LARS1: variants seen among roughly 807,000 people sequenced by gnomAD.
LARS1 encodes the protein leucine--tRNA ligase, cytoplasmic.
Under a neutral mutation model 162.8 loss-of-function variants are expected in LARS1, and 100 were observed. That is an observed-to-expected ratio of 0.61 (90% CI 0.52 to 0.73). The LOEUF is 0.73. LARS1 is among the 30% of genes least tolerant of loss of function. LARS1 has a pLI of 0.00. For synonymous variants in LARS1, 457 were observed against 462.8 expected, an observed-to-expected ratio of 0.99 and a Z score of 0.16; for missense variants, 1,258 against 1,408.9, an observed-to-expected ratio of 0.89 and a Z score of 1.71.
chr5:146,162,317 ATGT>A (rs1393432688), intron 6 of LARS1, among the ~76,000 whole-genome samples: 4 of 152,338 alleles, frequency 2.6e-5, no homozygotes, highest in African/African-American at 9.6e-5. Flanking sequence ...TGCAGAATGA[ATGT>A]TGTGTTTGCA....
At chr5:146,136,596 C>T (rs890585420) in intron 21 of LARS1, among the ~76,000 whole-genome samples, 3 of 151,920 alleles carry the variant, frequency 2.0e-5, no homozygotes, top group South Asian at 4.1e-4. Flanking sequence ...ATTCTCTTAC[C>T]TCAACCTCCT....
chr5:146,130,915 C>T (rs957082676), intron 24 of LARS1, 104 bp downstream of exon 24: 8 of 551,436 alleles, frequency 1.5e-5, no homozygotes, highest in Non-Finnish European at 2.2e-5. Flanking sequence ...TTTCAGTCTA[C>T]ACTTTAGGCG....
At chr5:146,180,877 C>G (rs1430770412) in intron 1 of LARS1, 1 of 152,162 alleles carries the variant, frequency 6.6e-6, no homozygotes, top group African/African-American at 2.4e-5. Flanking sequence ...TCTTTGTTTT[C>G]AGGGGTTGTC....
chr5:146,141,659 G>T (rs1183025477), intron 20 of LARS1, among the ~76,000 whole-genome samples: 1 of 151,782 alleles, frequency 6.6e-6, no homozygotes, highest in Non-Finnish European at 1.5e-5. Flanking sequence ...AACAAAATTA[G>T]CCAGGCAAGG....
intron 10 of LARS1, 42 bp from the exon 11 acceptor site, chr5:146,154,022 T>C (rs774634574): frequency 1.7e-5 from 23 of 1,329,700 alleles, no homozygotes; most frequent in Middle Eastern, 2.6e-4. Context: ...AAGTAATTCA[T>C]TGTGACCATT....
At chr5:146,136,875 T>C (rs929397970) in intron 21 of LARS1, among the ~76,000 whole-genome samples, 1 of 152,232 alleles carries the variant, frequency 6.6e-6, no homozygotes, top group Non-Finnish European at 1.5e-5. Flanking sequence ...TCAGCTGCCA[T>C]TTGTTTAAAG....
intron 25 of LARS1, 150 bp from the exon 26 acceptor site, chr5:146,129,268 C>T: frequency 1.8e-6 from 1 of 558,280 alleles, no homozygotes; most frequent in East Asian, 3.1e-5. Flanking sequence ...ACTTGCACAG[C>T]CCCTGATCTA....
intron 18 of LARS1, 35 bp from the exon 19 acceptor site, chr5:146,143,585 G>C: frequency 6.2e-7 from 1 of 1,605,266 alleles, no homozygotes; most frequent in South Asian, 1.1e-5. Context: ...AGGAACCTGA[G>C]AGACATTTCA....
At chr5:146,134,756 C>G (rs1196197958) in intron 22 of LARS1, among the ~76,000 whole-genome samples, 2 of 152,182 alleles carry the variant, frequency 1.3e-5, no homozygotes, top group Non-Finnish European at 2.9e-5. Context: ...CAAGACCAGC[C>G]TGGCCAACAA....
rs1440236765 is a variant in LARS1 at position 146,177,566 on chromosome 5, T to G, written c.106A>C (p.Asn36His). 1.3e-6 allele frequency: 2 copies of G among 1,566,280 alleles called. No individual in the cohort carries two copies. Among genetic ancestry groups the G allele is most frequent in the South Asian group, 2.2e-5 (2 of 89,852 alleles). The change falls in exon 2 of 32, where the codon AAT becomes CAT. Residue 36 changes from asparagine to histidine, a missense_variant. By Grantham distance (68) the Asn-to-His change is moderately conservative. Transcript: ENST00000394434. Reference sequence around the variant, plus strand: ...ACTCACCTGGTCTGTTTCTCTAAATTAGATGCATTGACCTCAAACACTCTC... The same window carrying G: ...ACTCACCTGGTCTGTTTCTCTAAATGAGATGCATTGACCTCAAACACTCTC... Reference protein sequence around the residue: ...TERVFEVNASNLEKQTSKGKY... With the variant: ...TERVFEVNASHLEKQTSKGKY...
chr5:146,154,936 C>G (rs1753455131), intron 10 of LARS1, among the ~76,000 whole-genome samples: 1 of 151,842 alleles, frequency 6.6e-6, no homozygotes, highest in Admixed American at 6.6e-5. Context: ...TCACTGCAAC[C>G]TCCGCCTCCC....
intron 31 of LARS1, among the ~76,000 whole-genome samples, chr5:146,117,108 A>G (rs576675327): frequency 6.6e-6 from 1 of 152,246 alleles, no homozygotes; most frequent in South Asian, 2.1e-4. Flanking sequence ...TTTAGATAAT[A>G]TTTTTCACAG....
chr5:146,166,650 A>G (rs1754018571), intron 5 of LARS1, among the ~76,000 whole-genome samples: 1 of 152,232 alleles, frequency 6.6e-6, no homozygotes, highest in Non-Finnish European at 1.5e-5. Context: ...GAGAAAGGAC[A>G]GCTCTTCTTT....
At chr5:146,160,183 T>C (rs1338096798) in intron 7 of LARS1, among the ~76,000 whole-genome samples, 191 bp downstream of exon 7, 1 of 152,096 alleles carries the variant, frequency 6.6e-6, no homozygotes, top group Non-Finnish European at 1.5e-5. Flanking sequence ...TACAGGTGCA[T>C]GCCACCATGC....
At chr5:146,164,865 A>G (rs1233913849) in intron 5 of LARS1, among the ~76,000 whole-genome samples, 1 of 152,228 alleles carries the variant, frequency 6.6e-6, no homozygotes, top group Non-Finnish European at 1.5e-5. Context: ...AAAATTATGA[A>G]TATCCAAGAG....
At chr5:146,150,206 G>C (rs1268098524) in intron 14 of LARS1, among the ~76,000 whole-genome samples, 1 of 152,146 alleles carries the variant, frequency 6.6e-6, no homozygotes, top group Non-Finnish European at 1.5e-5. Context: ...CTAGGGCAAA[G>C]TATTAGCTTA....
At position 146,157,810 on chromosome 5, in the gene LARS1, G is replaced by C; in HGVS notation, c.772-15C>G. 6.2e-7 allele frequency: 1 copy of C among 1,612,178 alleles called. No homozygotes were observed. Among genetic ancestry groups the C allele is most frequent in the Non-Finnish European group, 8.5e-7 (1 of 1,178,886 alleles). On this transcript the variant is annotated splice_polypyrimidine_tract_variant and intron_variant, in intron 8 of 31. Transcript: ENST00000394434. ...GGTCCAACACCCTAAGCAAATAAAC[G>C]ATACAAAAATTTGAAGGAAAAAAAA...
intron 15 of LARS1, among the ~76,000 whole-genome samples, chr5:146,148,676 A>T (rs531625936): frequency 3.3e-5 from 5 of 151,358 alleles, no homozygotes; most frequent in Non-Finnish European, 7.4e-5. Flanking sequence ...AAAGAGTGTA[A>T]CTTTGATCTT....
At chr5:146,166,796 AAC>A (rs983954555) in intron 5 of LARS1, among the ~76,000 whole-genome samples, 3 of 152,194 alleles carry the variant, frequency 2.0e-5, no homozygotes, top group African/African-American at 4.8e-5. Flanking sequence ...TTTAAAAAGA[AAC>A]ACAGTATTAT....
Sources: allele counts gnomAD v4.1 joint callset (sites outside exome capture counted in the v4.1 genomes callset), GRCh38; gene constraint gnomAD v4.1.1; transcripts MANE v1.5; gene names NCBI Gene and HGNC (gene_info 2026-07-23, HGNC 2026-07-21).